Variants in HDAC8 observed in about 807,000 individuals in gnomAD.
HDAC8 encodes the protein histone deacetylase 8.
Under a neutral mutation model 32.2 loss-of-function variants are expected in HDAC8, and 1 was observed. The observed-to-expected ratio is 0.03, with a 90% CI of 0.01 to 0.15. HDAC8 has a LOEUF of 0.15. Ranked by LOEUF, HDAC8 falls within the 10% of genes least tolerant of loss-of-function variation. HDAC8 has a pLI of 1.00. For missense variants in HDAC8, 117 were observed against 300.0 expected, an observed-to-expected ratio of 0.39 and a Z score of 4.51; for synonymous variants, 108 against 113.9, an observed-to-expected ratio of 0.95 and a Z score of 0.33.
intron 4 of HDAC8, among the ~76,000 whole-genome samples, chrX:72,501,409 G>A (rs1195908561): frequency 2.7e-5 from 3 of 111,655 alleles, no homozygotes; most frequent in Non-Finnish European, 5.6e-5. Context: ...CATGGTACTG[G>A]TACAAAAACA....
At chrX:72,364,050 C>A (rs1180652104) in intron 9 of HDAC8, among the ~76,000 whole-genome samples, 1 of 111,363 alleles carries the variant, frequency 9.0e-6, no homozygotes, top group Non-Finnish European at 1.9e-5. Context: ...TACATAGACC[C>A]CGGCAGGGTG....
intron 4 of HDAC8, among the ~76,000 whole-genome samples, chrX:72,512,189 T>C (rs1432689977): frequency 9.0e-6 from 1 of 111,304 alleles, no homozygotes; most frequent in Admixed American, 9.6e-5. Context: ...TCCTAGATAA[T>C]GAACCTTGAA....
intron 4 of HDAC8, among the ~76,000 whole-genome samples, chrX:72,512,742 C>A (rs2049632767): frequency 2.7e-5 from 3 of 111,358 alleles, no homozygotes; most frequent in Non-Finnish European, 5.6e-5. Flanking sequence ...GGGTCGCACA[C>A]TTTACACTGC....
chrX:72,433,077 A>G (rs1368620296), intron 9 of HDAC8, among the ~76,000 whole-genome samples: 1 of 111,911 alleles, frequency 8.9e-6, no homozygotes, highest in African/African-American at 3.2e-5. Context: ...ACTTCAAGAA[A>G]TGTTGGTTCT....
intron 4 of HDAC8, among the ~76,000 whole-genome samples, chrX:72,552,107 T>C (rs1459798312): frequency 8.9e-6 from 1 of 112,105 alleles, no homozygotes; most frequent in Admixed American, 9.4e-5. Context: ...AGTAATACAA[T>C]CACGTTAGAG....
At chrX:72,540,099 A>G (rs1040495052) in intron 4 of HDAC8, among the ~76,000 whole-genome samples, 2 of 111,837 alleles carry the variant, frequency 1.8e-5, no homozygotes, top group African/African-American at 6.5e-5. Context: ...CTTGTCTGAC[A>G]CTATCATTTA....
chrX:72,528,875 T>C (rs2050242747), intron 4 of HDAC8, among the ~76,000 whole-genome samples: 1 of 112,544 alleles, frequency 8.9e-6, no homozygotes, highest in African/African-American at 3.2e-5. Flanking sequence ...GAATTGTATC[T>C]ATCTAGATAT....
At chrX:72,473,756 A>G (rs2048251057) in intron 7 of HDAC8, 2 of 754,631 alleles carry the variant, frequency 2.7e-6, no homozygotes. Flanking sequence ...TGCTGTTGCC[A>G]AAACTTTACT....
At chrX:72,559,958 G>A (rs879947077) in intron 4 of HDAC8, among the ~76,000 whole-genome samples, 4 of 105,539 alleles carry the variant, frequency 3.8e-5, no homozygotes, top group South Asian at 4.3e-4. Flanking sequence ...GGCAGCCCCC[G>A]CCCGGCCGCT....
At chrX:72,347,940 T>C (rs1203555947) in intron 10 of HDAC8, among the ~76,000 whole-genome samples, 1 of 111,811 alleles carries the variant, frequency 8.9e-6, no homozygotes, top group East Asian at 2.8e-4. Context: ...CTCCATGGTT[T>C]TGTGGGTCTT....
At chrX:72,469,341 C>G (rs782293083) in intron 7 of HDAC8, among the ~76,000 whole-genome samples, 4 of 111,086 alleles carry the variant, frequency 3.6e-5, no homozygotes, top group Non-Finnish European at 7.5e-5. Flanking sequence ...CCACATCCAG[C>G]TAATTTTTAA....
chrX:72,355,114 G>A (rs936190663), intron 9 of HDAC8, among the ~76,000 whole-genome samples: 2 of 112,444 alleles, frequency 1.8e-5, no homozygotes, highest in East Asian at 5.6e-4. Context: ...AAACTGACTA[G>A]CCTGTGGAGA....
At chrX:72,438,733 A>G (rs2047028203) in intron 9 of HDAC8, among the ~76,000 whole-genome samples, 1 of 111,290 alleles carries the variant, frequency 9.0e-6, no homozygotes, top group Non-Finnish European at 1.9e-5. Flanking sequence ...GATCAACTTA[A>G]TGAAATGAAG....
intron 9 of HDAC8, among the ~76,000 whole-genome samples, chrX:72,352,802 C>A (rs1555949350): frequency 8.9e-6 from 1 of 112,018 alleles, no homozygotes; most frequent in East Asian, 2.8e-4. Flanking sequence ...TCTGATTCAG[C>A]TTCTCTGGTA....
At chrX:72,475,413 A>T (rs1430022785) in intron 7 of HDAC8, among the ~76,000 whole-genome samples, 1 of 112,080 alleles carries the variant, frequency 8.9e-6, no homozygotes, top group Non-Finnish European at 1.9e-5. Flanking sequence ...AAGTATTACT[A>T]GTCAGTCCCA....
In HDAC8 at chrX:72,350,067, C is replaced by A. The variant is rs1195244763; in HGVS notation, c.1111+1666G>T. Among the ~76,000 whole-genome samples the A allele has an allele frequency of 2.7e-5, 3 of 111,194 alleles. No homozygotes were observed. In the South Asian group the frequency reaches 1.1e-3, roughly 42 times the overall value. On this transcript the variant is annotated intron_variant, in intron 10 of 10. Coordinates refer to ENST00000373573, the MANE Select transcript of HDAC8 (RefSeq NM_018486.3). ...GCTGGATGGCTAGTGTTCATCAAGG[C>A]TGCAACACCATGAGAAGAACTGGAG...
At chrX:72,449,632 G>A (rs902410240) in intron 9 of HDAC8, among the ~76,000 whole-genome samples, 5 of 110,643 alleles carry the variant, frequency 4.5e-5, no homozygotes, top group South Asian at 3.9e-4. Context: ...GCAGACTTAA[G>A]CCCTAACATA....
chrX:72,466,368 C>G (rs2048017099), intron 7 of HDAC8, among the ~76,000 whole-genome samples: 2 of 112,115 alleles, frequency 1.8e-5, no homozygotes, highest in African/African-American at 6.5e-5. Context: ...GAGGGAAAGA[C>G]ACAGACTATG....
intron 2 of HDAC8, among the ~76,000 whole-genome samples, chrX:72,571,133 C>G (rs2052026699): frequency 9.0e-6 from 1 of 110,535 alleles, no homozygotes; most frequent in Non-Finnish European, 1.9e-5. Context: ...ACCGTGTTAG[C>G]CAGGATGGTC....
Sources: gnomAD v4.1 joint callset for allele counts (sites outside exome capture counted in the v4.1 genomes callset) on GRCh38, gnomAD v4.1.1 for gene constraint, MANE v1.5 for transcripts, NCBI Gene and HGNC (gene_info 2026-07-23, HGNC 2026-07-21) for gene names.